Variants in PLK2 observed in about 807,000 individuals in gnomAD.
PLK2 encodes the protein polo like kinase 2.
In PLK2, 25 loss-of-function variants were observed where a neutral mutation model predicts 78.1. That is an observed-to-expected ratio of 0.32 (90% CI 0.23 to 0.45). PLK2 has a LOEUF of 0.45. PLK2 is among the 20% of genes least tolerant of loss of function. PLK2 has a pLI of 1.00. For missense variants in PLK2, 566 were observed against 840.2 expected (o/e 0.67, Z 4.04); for synonymous variants, 332 against 298.2 (o/e 1.11, Z -1.17).
chr5:58,457,819 T>G lies in PLK2; in HGVS notation c.714-236A>C, dbSNP rs370324695. ...TTGTTTTAGCCCACATGCAAAGTGTTGTTAACCAACTAAAGCCAGGGACGT... is the reference window on the plus strand; with the variant it reads ...TTGTTTTAGCCCACATGCAAAGTGTGGTTAACCAACTAAAGCCAGGGACGT... On this transcript the variant is annotated intron_variant, in intron 5 of 13. Coordinates refer to ENST00000274289, the MANE Select transcript of PLK2 (RefSeq NM_006622.4). 384 of 591,282 alleles carry G rather than the reference T, an allele frequency of 6.5e-4. 5 individuals carry two copies. In the South Asian group the frequency reaches 7.9e-3, roughly 12 times the overall value. 36.6% of individuals were successfully genotyped at this position (591,282 alleles called of 1,614,324 possible).
intron 4 of PLK2, 53 bp downstream of exon 4, chr5:58,458,346 G>A (rs1333050344): frequency 1.3e-6 from 2 of 1,584,152 alleles, no homozygotes; most frequent in East Asian, 2.2e-5. Context: ...AAAAAACAGA[G>A]AGAGAAAAAA....
At position 58,458,100 on chromosome 5, in the gene PLK2, A is replaced by C; in HGVS notation, c.697T>G (p.Leu233Val). 6.2e-7 allele frequency: 1 copy of C among 1,612,372 alleles called. No individual in the cohort carries two copies. Among genetic ancestry groups the C allele is most frequent in the Non-Finnish European group, 8.5e-7 (1 of 1,178,420 alleles). Reference sequence around the variant, plus strand: ...GACTCTTACCTCCTTCTGTGTTCCAAGGGTTCTAGCCTGGCTGCCAGACCG... The same window carrying C: ...GACTCTTACCTCCTTCTGTGTTCCACGGGTTCTAGCCTGGCTGCCAGACCG... ...DFGLAARLEP[L>V]EHRRRTICGT... The change falls in exon 5 of 14, where the codon TTG (leucine) becomes GTG (valine). Residue 233 changes from leucine (L) to valine (V), a missense_variant. Physicochemically the swap from Leu to Val is conservative, Grantham distance 32. Transcript: ENST00000274289.
chr5:58,454,869 G>T, intron 13 of PLK2, 42 bp downstream of exon 13: 1 of 1,492,394 alleles, frequency 6.7e-7, no homozygotes, highest in Non-Finnish European at 9.3e-7. Context: ...AAATCTTTCT[G>T]TTTAGGACCT....
intron 1 of PLK2, chr5:58,459,388 A>G: frequency 3.6e-6 from 2 of 562,386 alleles, no homozygotes; most frequent in Non-Finnish European, 6.2e-6. Flanking sequence ...TTGTCAGGAA[A>G]ATTCCCTGGG....
intron 13 of PLK2, 62 bp from the exon 14 acceptor site, chr5:58,454,836 C>A: frequency 6.8e-7 from 1 of 1,468,176 alleles, no homozygotes; most frequent in South Asian, 1.2e-5. Context: ...AAAGTTCAGT[C>A]AATCACTAAA....
chr5:58,457,560 T>G lies in PLK2; in HGVS notation c.737A>C (p.Tyr246Ser). Reference sequence around the variant, plus strand: ...TTTGTTGAGGACTTCAGGAGAGAGATAATTTGGGGTACCACATATCGTTCT... The same window carrying G: ...TTTGTTGAGGACTTCAGGAGAGAGAGAATTTGGGGTACCACATATCGTTCT... ...RRRTICGTPN[Y>S]LSPEVLNKQG... Residue 246 changes from tyrosine (Y) to serine (S), a missense_variant, in exon 6 of 14, where the codon TAT becomes TCT. Transcript: ENST00000274289. 1.2e-6 allele frequency: 2 copies of G among 1,609,722 alleles called. No individual in the cohort carries two copies. The highest frequency in any genetic ancestry group is 1.3e-5 in the African/African-American group (1 of 74,950).
chr5:58,460,057 C>A lies in PLK2; in HGVS notation c.-98G>T. 1 of 1,385,804 alleles carries A rather than the reference C, an allele frequency of 7.2e-7. No homozygotes were observed. Among genetic ancestry groups the A allele is most frequent in the Non-Finnish European group, 9.7e-7 (1 of 1,028,204 alleles). 85.8% of individuals were successfully genotyped at this position (1,385,804 alleles called of 1,614,324 possible). On this transcript the variant is annotated 5_prime_UTR_variant, in exon 1 of 14. Transcript: ENST00000274289. The stretch of plus-strand genomic sequence containing the variant: ...CTCGCACCCTTGCCTCTGGTGCCGA[C>A]TAGCACCCAACACCCCGGTCCACTT...
At position 58,458,124 on chromosome 5, in the gene PLK2, C is replaced by T. The variant is rs751097714; in HGVS notation, c.673G>A (p.Gly225Ser). 1.9e-6 allele frequency: 3 copies of T among 1,613,480 alleles called. No individual in the cohort carries two copies. Among genetic ancestry groups the T allele is most frequent in the South Asian group, 1.1e-5 (1 of 91,070 alleles). The change falls in exon 5 of 14, where the codon GGT becomes AGT. Residue 225 changes from glycine to serine, a missense_variant. By Grantham distance (56) the Gly-to-Ser change is moderately conservative. Coordinates refer to ENST00000274289, the MANE Select transcript of PLK2 (RefSeq NM_006622.4). ...EAMELKVGDF[G>S]LAARLEPLEH... ...AAGGGTTCTAGCCTGGCTGCCAGAC[C>T]GAAGTCCCCAACTTTTAGTTCCATG...
Position 58,459,926 on chromosome 5 carries a change from C to T in PLK2, c.34G>A (p.Ala12Thr). The part of the protein sequence containing the change: ...ELLRTITYQP[A>T]ASTKMCEQAL... ...TGCTCGCACATTTTGGTGCTGGCGG[C>T]TGGCTGGTAGGTGATAGTCCGCAAA... Residue 12 changes from alanine (A) to threonine (T), a missense_variant, in exon 1 of 14, where the codon GCC (alanine) becomes ACC (threonine). Physicochemically the swap from Ala to Thr is moderately conservative, Grantham distance 58. Coordinates refer to ENST00000274289, the MANE Select transcript of PLK2 (RefSeq NM_006622.4). The T allele has an allele frequency of 6.2e-7, 1 of 1,611,086 alleles. No individual in the cohort carries two copies. The highest frequency in any genetic ancestry group is 8.5e-7 in the Non-Finnish European group (1 of 1,179,230).
intron 8 of PLK2, 71 bp downstream of exon 8, chr5:58,456,874 C>G (rs1353789878): frequency 3.8e-6 from 4 of 1,039,816 alleles, no homozygotes; most frequent in Non-Finnish European, 4.2e-6. Flanking sequence ...ATAAAATTCT[C>G]TTTTAACTAA....
At chr5:58,455,154 C>T (rs770706685) in intron 12 of PLK2, 131 bp downstream of exon 12, 26 of 1,222,252 alleles carry the variant, frequency 2.1e-5, no homozygotes, top group East Asian at 1.2e-4. Flanking sequence ...CTCCACCTCC[C>T]GGAGATTCTG....
rs373697945 is a variant in PLK2, at chr5:58,455,592, G to T, written c.1572C>A (p.Thr524=). The T allele has an allele frequency of 5.6e-6, 9 of 1,613,760 alleles. No individual in the cohort carries two copies. The highest frequency in any genetic ancestry group is 7.6e-6 in the Non-Finnish European group (9 of 1,179,838). ...CACCATTGTTGAAAAGGACACCGAC[G>T]GTGTGGTCTGAGAGCTGGTACCCAA... ...YGFGYQLSDH[T]VGVLFNNGAH... The change falls in exon 11 of 14, where the codon ACC becomes ACA. Residue 524 remains threonine (T), a synonymous_variant. Coordinates refer to ENST00000274289, the MANE Select transcript of PLK2 (RefSeq NM_006622.4).
intron 12 of PLK2, 114 bp downstream of exon 12, chr5:58,455,171 T>A: frequency 7.7e-7 from 1 of 1,300,700 alleles, no homozygotes; most frequent in South Asian, 1.3e-5. Flanking sequence ...TCTGATTCAG[T>A]ACACCAACGG....
intron 5 of PLK2, 81 bp from the exon 6 acceptor site, chr5:58,457,664 GACAAAATCTTAA>G (rs1743645661): frequency 1.3e-6 from 1 of 778,638 alleles, no homozygotes; most frequent in Non-Finnish European, 2.3e-6. Flanking sequence ...CTTGATGGGA[GACAAAATCTTAA>G]ACAAAATCTT....
intron 5 of PLK2, chr5:58,457,824 A>T (rs1487533011): frequency 5.1e-6 from 3 of 590,768 alleles, no homozygotes; most frequent in Non-Finnish European, 6.0e-6. Context: ...AGTGTTGTTA[A>T]CCAACTAAAG....
chr5:58,458,236 A>G (rs1157682122), intron 4 of PLK2, 65 bp from the exon 5 acceptor site: 1 of 1,342,912 alleles, frequency 7.4e-7, no homozygotes, highest in East Asian at 2.3e-5. Flanking sequence ...GTACACACAC[A>G]TCCACTTTGG....
rs376785010 is a variant in PLK2 at position 58,456,937 on chromosome 5, T to G, written c.1156+8A>C. The stretch of plus-strand genomic sequence containing the variant: ...TACGAAAAAGGAAAAGAAGTCTTGT[T>G]AACTTACTATGTGTGTCAATATATC... On this transcript the variant is annotated splice_region_variant and intron_variant, in intron 8 of 13. Transcript: ENST00000274289. 4.5e-6 allele frequency: 7 copies of G among 1,558,148 alleles called. No individual in the cohort carries two copies. Among genetic ancestry groups the G allele is most frequent in the Non-Finnish European group, 6.1e-6 (7 of 1,146,970 alleles).
intron 10 of PLK2, 55 bp downstream of exon 10, chr5:58,455,971 T>C (rs2111707065): frequency 6.4e-7 from 1 of 1,574,782 alleles, no homozygotes; most frequent in Non-Finnish European, 8.7e-7. Context: ...TTATTATGTA[T>C]TTAGCACTGG....
intron 10 of PLK2, 30 bp from the exon 11 acceptor site, chr5:58,455,809 T>C (rs1444037306): frequency 1.9e-6 from 3 of 1,607,818 alleles, no homozygotes; most frequent in Non-Finnish European, 2.5e-6. Flanking sequence ...TGTTTCAAGT[T>C]ATACAATATT....
Sources: allele counts gnomAD v4.1 joint callset, GRCh38; gene constraint gnomAD v4.1.1; transcripts MANE v1.5; gene names NCBI Gene and HGNC (gene_info 2026-07-23, HGNC 2026-07-21).